Variants in CORO2B observed in about 807,000 individuals in gnomAD.
The protein encoded by CORO2B is coronin 2B, also known as coronin-2B.
In CORO2B, 26 loss-of-function variants were observed where a neutral mutation model predicts 58.8. The observed-to-expected ratio is 0.44, with a 90% CI of 0.32 to 0.61. The LOEUF (loss-of-function observed/expected upper bound fraction) is 0.61. Among genes scored for constraint, CORO2B ranks in the 20% least tolerant of loss-of-function variants. CORO2B has a pLI of 0.04. For missense variants in CORO2B, 460 were observed against 645.1 expected (o/e 0.71, Z 3.11); for synonymous variants, 242 against 253.8 (o/e 0.95, Z 0.44).
At chr15:68,589,960 T>C (rs1899658624) in intron 1 of CORO2B, among the ~76,000 whole-genome samples, 1 of 152,104 alleles carries the variant, frequency 6.6e-6, no homozygotes, top group Non-Finnish European at 1.5e-5. Context: ...GCCTCCACAG[T>C]GGCCCGTGAC....
At chr15:68,676,474 CCACCGCT>C (rs1328882912) in intron 2 of CORO2B, among the ~76,000 whole-genome samples, 1 of 152,222 alleles carries the variant, frequency 6.6e-6, no homozygotes, top group Non-Finnish European at 1.5e-5. Context: ...GCAAGGATAA[CCACCGCT>C]GCCTAAACCC....
chr15:68,551,659 C>T, the CORO2B span, among the ~76,000 whole-genome samples: 1 of 152,184 alleles, frequency 6.6e-6, no homozygotes, highest in African/African-American at 2.4e-5. Context: ...CCCTGGGCAG[C>T]AGGAACCAGG....
At chr15:68,696,436 C>G (rs1385486617) in intron 3 of CORO2B, among the ~76,000 whole-genome samples, 1 of 151,584 alleles carries the variant, frequency 6.6e-6, no homozygotes, top group Non-Finnish European at 1.5e-5. Context: ...GTAATCCCAG[C>G]TATTCGGAAG....
rs749312795 is a variant in CORO2B at position 68,710,914 on chromosome 15, G to T, written c.483+33G>T. On this transcript the variant is annotated intron_variant, in intron 4 of 11. Coordinates refer to ENST00000261861, the MANE Select transcript of CORO2B (RefSeq NM_006091.5). The surrounding 1 kb of genome is among the most constrained non-coding windows in gnomAD (Gnocchi z 4.1). ...GTGGGCAGGCAGCTGGGTGGAGAGG[G>T]ATTGGGGAAGAGAAAGGGGCCTTTT... The T allele has an allele frequency of 7.7e-6, 12 of 1,559,468 alleles. No homozygotes were observed. In the African/African-American group the frequency reaches 1.6e-4, roughly 21 times the overall value.
At chr15:68,602,938 G>A (rs75695290) in intron 1 of CORO2B, among the ~76,000 whole-genome samples, 2 of 152,178 alleles carry the variant, frequency 1.3e-5, no homozygotes, top group African/African-American at 4.8e-5. Context: ...CTTGGGGCAG[G>A]GGGTGGACAC....
chr15:68,714,388 G>A (rs1892984870), intron 6 of CORO2B, among the ~76,000 whole-genome samples, 171 bp from the exon 7 acceptor site: 6 of 152,166 alleles, frequency 3.9e-5, no homozygotes. Context: ...GCCCCTGGCT[G>A]CTTTTCGTGA....
At chr15:68,714,087 G>T in intron 6 of CORO2B, 46 bp downstream of exon 6, 1 of 1,314,908 alleles carries the variant, frequency 7.6e-7, no homozygotes, top group South Asian at 1.2e-5. Context: ...AGGAAGCATC[G>T]TTGCCTCGGA....
intron 3 of CORO2B, among the ~76,000 whole-genome samples, chr15:68,704,847 T>A (rs1458589652): frequency 2.6e-5 from 4 of 152,080 alleles, no homozygotes; most frequent in African/African-American, 4.8e-5. Flanking sequence ...TTGCCACTTC[T>A]CCCCACCCTT....
the CORO2B span, among the ~76,000 whole-genome samples, chr15:68,539,332 A>G: frequency 6.6e-6 from 1 of 152,212 alleles, no homozygotes; most frequent in Non-Finnish European, 1.5e-5. Context: ...TAAATTTGGA[A>G]CTGAGAGTCA....
At chr15:68,717,283 C>T (rs994314714) in intron 8 of CORO2B, among the ~76,000 whole-genome samples, 16 of 149,332 alleles carry the variant, frequency 1.1e-4, no homozygotes, top group African/African-American at 3.5e-4. Flanking sequence ...CACTGCACTC[C>T]AACCTGGGCA....
At chr15:68,662,009 T>C (rs1328654949) in intron 2 of CORO2B, among the ~76,000 whole-genome samples, 1 of 142,930 alleles carries the variant, frequency 7.0e-6, no homozygotes, top group Non-Finnish European at 1.6e-5. Flanking sequence ...CCTGTCTCAA[T>C]AAATAAATAA....
At chr15:68,597,129 C>T (rs140705184) in intron 1 of CORO2B, among the ~76,000 whole-genome samples, 5 of 151,516 alleles carry the variant, frequency 3.3e-5, no homozygotes, top group African/African-American at 1.2e-4. Flanking sequence ...TTTCAAATTG[C>T]GTAAAACCAA....
At chr15:68,523,669 C>G in the CORO2B span, among the ~76,000 whole-genome samples, 1 of 152,204 alleles carries the variant, frequency 6.6e-6, no homozygotes, top group Admixed American at 6.5e-5. Flanking sequence ...GACCTTGGCT[C>G]CTCAAGTCAG....
rs1269429138 is a variant in CORO2B at position 68,695,267 on chromosome 15, G to A, written c.333+11G>A. 1.2e-6 allele frequency: 2 copies of A among 1,601,822 alleles called. No homozygotes were observed. Among genetic ancestry groups the A allele is most frequent in the Non-Finnish European group, 1.7e-6 (2 of 1,169,330 alleles). The stretch of plus-strand genomic sequence containing the variant: ...TCGGAGGACACGTCGGTGAGCAGAG[G>A]GGTGCTCCCGGAGGAGGGTGGGCTC... On this transcript the variant is annotated intron_variant, in intron 3 of 11. Coordinates refer to ENST00000261861, the MANE Select transcript of CORO2B (RefSeq NM_006091.5).
At chr15:68,619,321 G>T (rs926072754) in intron 1 of CORO2B, among the ~76,000 whole-genome samples, 5 of 152,140 alleles carry the variant, frequency 3.3e-5, no homozygotes, top group East Asian at 3.9e-4. Flanking sequence ...TTTTCATCCT[G>T]CTGCAATGTA....
At chr15:68,531,549 AAGG>A in the CORO2B span, among the ~76,000 whole-genome samples, 1 of 133,156 alleles carries the variant, frequency 7.5e-6, no homozygotes, top group Non-Finnish European at 1.6e-5. Context: ...GGAAGGAAGG[AAGG>A]AAGGAAAGAA....
chr15:68,582,980 G>A (rs1346868380), intron 1 of CORO2B, among the ~76,000 whole-genome samples: 1 of 152,192 alleles, frequency 6.6e-6, no homozygotes, highest in East Asian at 1.9e-4. Context: ...CCTTAGGAGA[G>A]GGAGTGTGGG....
At chr15:68,524,020 G>A in the CORO2B span, among the ~76,000 whole-genome samples, 7 of 152,254 alleles carry the variant, frequency 4.6e-5, no homozygotes, top group African/African-American at 1.2e-4. Context: ...GAGCCCAGGA[G>A]TTCAAGACCA....
At chr15:68,706,855 G>C (rs184508987) in intron 3 of CORO2B, among the ~76,000 whole-genome samples, 1 of 152,148 alleles carries the variant, frequency 6.6e-6, no homozygotes, top group African/African-American at 2.4e-5. Flanking sequence ...GGGACTACAG[G>C]AGCATGCCAC....
Sources: allele counts gnomAD v4.1 joint callset (sites outside exome capture counted in the v4.1 genomes callset), GRCh38; gene constraint gnomAD v4.1.1; non-coding constraint Gnocchi (gnomAD v3.1); transcripts MANE v1.5; gene names NCBI Gene and HGNC (gene_info 2026-07-23, HGNC 2026-07-21).